The following TJP1 variants were observed in gnomAD, a reference collection of about 807,000 sequenced individuals.
TJP1 encodes the protein tight junction protein ZO-1.
TJP1 carries 43 observed loss-of-function variants against 194.2 expected under a neutral mutation model. The ratio of observed to expected loss-of-function variants is 0.22; its 90% CI spans 0.17 to 0.29. The LOEUF is 0.29. TJP1 is among the 10% of genes least tolerant of loss of function. The probability of loss-of-function intolerance (pLI) is 1.00; values close to 1 mark genes in which losing one functional copy is unlikely to be tolerated. For missense variants in TJP1, 1,971 were observed against 2,185.7 expected (o/e 0.90, Z 1.96); for synonymous variants, 801 against 779.0 (o/e 1.03, Z -0.47).
chr15:29,913,932 T>C (rs899012112), intron 2 of TJP1, among the ~76,000 whole-genome samples: 7 of 152,134 alleles, frequency 4.6e-5, no homozygotes, highest in Admixed American at 3.3e-4. Context: ...TACTTGCATA[T>C]GAAAATAAAA....
At chr15:29,874,129 T>C (rs767048155) in intron 2 of TJP1, among the ~76,000 whole-genome samples, 1 of 152,186 alleles carries the variant, frequency 6.6e-6, no homozygotes, top group Non-Finnish European at 1.5e-5. Context: ...CATTTAAGGC[T>C]GTCACCACCA....
chr15:29,758,718 C>T (rs573470622), intron 8 of TJP1, among the ~76,000 whole-genome samples: 3 of 152,182 alleles, frequency 2.0e-5, no homozygotes, highest in South Asian at 4.2e-4. Context: ...GTATGTGTTG[C>T]GGCAGTAATC....
chr15:29,718,550 T>C lies in TJP1; in HGVS notation c.3592A>G (p.Ser1198Gly), dbSNP rs924136865. ...SKQYFEQYSR[S>G]YEQVPPQGFT... ...CCTTGGGGTGGTACTTGCTCGTAAC[T>C]GCGTGAATATTGCTCAAAATACTGC... The change falls in exon 21 of 28, where the codon AGT (serine) becomes GGT (glycine). Residue 1198 changes from serine (S) to glycine (G), a missense_variant. By Grantham distance (56) the Ser-to-Gly change is moderately conservative. Transcript: ENST00000614355. 1.2e-6 allele frequency: 2 copies of C among 1,614,158 alleles called. No homozygotes were observed. The highest frequency in any genetic ancestry group is 1.7e-6 in the Non-Finnish European group (2 of 1,180,030).
intron 25 of TJP1, among the ~76,000 whole-genome samples, chr15:29,707,447 C>T (rs1274437141): frequency 1.3e-5 from 2 of 152,270 alleles, no homozygotes; most frequent in Non-Finnish European, 2.9e-5. Context: ...CAGCTCTGTC[C>T]GCCCCTGACC....
chr15:29,799,093 T>C (rs1051772928), intron 2 of TJP1, among the ~76,000 whole-genome samples: 2 of 152,186 alleles, frequency 1.3e-5, no homozygotes, highest in Admixed American at 6.5e-5. Flanking sequence ...TGTATATGCT[T>C]GTCAAAACTC....
intron 1 of TJP1, chr15:29,820,791 T>C: frequency 1.8e-6 from 1 of 547,614 alleles, no homozygotes; most frequent in Non-Finnish European, 3.3e-6. Context: ...TTGTTCTTCC[T>C]CAATGTAAGG....
At chr15:29,847,427 T>C (rs2051456845) in intron 2 of TJP1, among the ~76,000 whole-genome samples, 2 of 152,216 alleles carry the variant, frequency 1.3e-5, no homozygotes. Flanking sequence ...GATTTTGCTC[T>C]CCTTTTTCTA....
At chr15:29,704,916 G>T (rs997840826) in intron 26 of TJP1, among the ~76,000 whole-genome samples, 2 of 152,202 alleles carry the variant, frequency 1.3e-5, no homozygotes, top group African/African-American at 4.8e-5. Context: ...ACAAAAAAGC[G>T]AACTAAATTT....
In TJP1 at chr15:29,921,219, G is replaced by A. The variant is rs116446888; in HGVS notation, c.306+35013C>T. Among the ~76,000 whole-genome samples, 1,159 of 152,228 alleles carry A rather than the reference G, an allele frequency of 7.6e-3. 15 individuals carry two copies. Among genetic ancestry groups the A allele is most frequent in the African/African-American group, 0.027 (1,101 of 41,534 alleles). The stretch of plus-strand genomic sequence containing the variant: ...AAGCTTCCTGGCCCTCTGAATGCCG[G>A]CACTCTCCCGTCACCTCCTGGACCT... On this transcript the variant is annotated intron_variant, in intron 2 of 28. Transcript: ENST00000356107.
intron 1 of TJP1, among the ~76,000 whole-genome samples, chr15:29,965,244 C>T (rs1442076788): frequency 2.0e-5 from 3 of 151,478 alleles, no homozygotes; most frequent in African/African-American, 7.3e-5. Flanking sequence ...GAGTCTTGCT[C>T]TGTCACCCAG....
chr15:29,959,669 C>A (rs17672419), intron 1 of TJP1, among the ~76,000 whole-genome samples: 2 of 151,950 alleles, frequency 1.3e-5, no homozygotes, highest in African/African-American at 4.8e-5. Flanking sequence ...CTCAACAGAT[C>A]TATCCCTACC....
chr15:29,744,272 G>C (rs1011892864), intron 8 of TJP1, among the ~76,000 whole-genome samples: 5 of 152,148 alleles, frequency 3.3e-5, no homozygotes, highest in African/African-American at 1.2e-4. Flanking sequence ...TTCACAAAAT[G>C]ATGGTAAAAG....
intron 2 of TJP1, among the ~76,000 whole-genome samples, chr15:29,935,999 C>T (rs541720586): frequency 6.6e-5 from 10 of 152,190 alleles, no homozygotes; most frequent in Middle Eastern, 3.4e-3. Context: ...ACATCATCAC[C>T]TCTCTGTAGC....
At chr15:29,722,132 T>C (rs1454315369) in intron 18 of TJP1, among the ~76,000 whole-genome samples, 1 of 152,192 alleles carries the variant, frequency 6.6e-6, no homozygotes, top group East Asian at 1.9e-4. Flanking sequence ...TGGGGAGGAA[T>C]TCAAGCTGGC....
chr15:29,780,783 A>G lies in TJP1; in HGVS notation c.85-7426T>C, dbSNP rs916341282. ...ATTCGAGACCAAATCTGAAATTTTAAAAGGTCATTTTAGATAGGAATATAA... is the reference window on the plus strand; with the variant it reads ...ATTCGAGACCAAATCTGAAATTTTAGAAGGTCATTTTAGATAGGAATATAA... On this transcript the variant is annotated intron_variant, in intron 2 of 27. Transcript: ENST00000614355. Among the ~76,000 whole-genome samples the G allele has an allele frequency of 2.6e-5, 4 of 152,228 alleles. No homozygotes were observed. The South Asian group carries it at 8.3e-4, about 31-fold the overall frequency.
intron 2 of TJP1, among the ~76,000 whole-genome samples, chr15:29,892,711 G>A (rs1567171942): frequency 6.6e-6 from 1 of 152,188 alleles, no homozygotes; most frequent in Non-Finnish European, 1.5e-5. Context: ...TTTACAGCAT[G>A]GTTGGTTGAA....
chr15:29,721,029 T>TCA (rs1464037219), intron 18 of TJP1, among the ~76,000 whole-genome samples: 1 of 152,202 alleles, frequency 6.6e-6, no homozygotes, highest in Non-Finnish European at 1.5e-5. Flanking sequence ...CACTAGCTCT[T>TCA]CAGCCCTTTT....
At chr15:29,868,918 G>A (rs2052397723) in intron 2 of TJP1, among the ~76,000 whole-genome samples, 1 of 152,048 alleles carries the variant, frequency 6.6e-6, no homozygotes, top group Admixed American at 6.6e-5. Flanking sequence ...GTGTGGAACT[G>A]GAGAAGAAAT....
chr15:29,700,109 G>GCA (rs2041451311), downstream of TJP1: 2 of 396,044 alleles, frequency 5.0e-6, no homozygotes, highest in East Asian at 7.2e-5. Flanking sequence ...TTATAAAGCT[G>GCA]CATGAAACTA....
Sources: allele counts gnomAD v4.1 joint callset (sites outside exome capture counted in the v4.1 genomes callset), GRCh38; gene constraint gnomAD v4.1.1; transcripts MANE v1.5; gene names NCBI Gene and HGNC (gene_info 2026-07-23, HGNC 2026-07-21).